Variants in PRKG1 observed in about 807,000 individuals in gnomAD.
PRKG1 encodes the protein cGMP-dependent protein kinase 1.
In PRKG1, 35 loss-of-function variants were observed where a neutral mutation model predicts 88.1. The observed-to-expected ratio is 0.40, with a 90% CI of 0.30 to 0.53. The LOEUF (loss-of-function observed/expected upper bound fraction) is 0.53, where lower values mean the gene tolerates loss of function less well. PRKG1 is among the 20% of genes least tolerant of loss of function. The pLI, the probability that PRKG1 is intolerant of heterozygous loss-of-function variation, is 0.59. For synonymous variants in PRKG1, 303 were observed against 292.5 expected, an observed-to-expected ratio of 1.04 and a Z score of -0.37; for missense variants, 540 against 839.8, an observed-to-expected ratio of 0.64 and a Z score of 4.41.
At chr10:51,791,141 G>A (rs1480106346) in intron 3 of PRKG1, among the ~76,000 whole-genome samples, 2 of 152,064 alleles carry the variant, frequency 1.3e-5, no homozygotes, top group African/African-American at 4.8e-5. Context: ...ATTTGAGATG[G>A]AATAGTTAAG....
At chr10:51,475,583 T>C (rs1210518486) in intron 3 of PRKG1, among the ~76,000 whole-genome samples, 1 of 152,080 alleles carries the variant, frequency 6.6e-6, no homozygotes, top group Non-Finnish European at 1.5e-5. Flanking sequence ...TGCAGCTTTA[T>C]TTTTGTTTTG....
At chr10:51,622,638 CT>C (rs1198695603) in intron 3 of PRKG1, among the ~76,000 whole-genome samples, 1 of 152,126 alleles carries the variant, frequency 6.6e-6, no homozygotes. Flanking sequence ...AAATAAGATA[CT>C]GGTAAGTGCC....
chr10:52,084,041 T>A (rs1432780969), intron 7 of PRKG1, among the ~76,000 whole-genome samples: 1 of 152,022 alleles, frequency 6.6e-6, no homozygotes, highest in Non-Finnish European at 1.5e-5. Context: ...TAAGGAACTT[T>A]GCTAAAAGAA....
At chr10:51,051,707 A>G (rs1217900149) in intron 1 of PRKG1, among the ~76,000 whole-genome samples, 1 of 152,188 alleles carries the variant, frequency 6.6e-6, no homozygotes, top group Non-Finnish European at 1.5e-5. Context: ...AAATAAACTT[A>G]AATAAGCTAA....
At chr10:51,158,189 T>C (rs1846262612) in intron 2 of PRKG1, among the ~76,000 whole-genome samples, 1 of 151,952 alleles carries the variant, frequency 6.6e-6, no homozygotes. Context: ...TTTAGTCACT[T>C]TCTAGGTCTT....
In PRKG1 at chr10:51,916,556, A is replaced by G. The variant is rs542865190; in HGVS notation, c.762+8986A>G. Among the ~76,000 whole-genome samples the G allele has an allele frequency of 1.3e-4, 20 of 152,066 alleles. No individual in the cohort carries two copies. In the East Asian group the frequency reaches 3.3e-3, roughly 25 times the overall value. The stretch of plus-strand genomic sequence containing the variant: ...TTCTTAATACACTTGCTTTCACTTT[A>G]CTCTGTGGACTCGCCTTGAATTCTT... On this transcript the variant is annotated intron_variant, in intron 5 of 17. Coordinates refer to ENST00000373980, the MANE Select transcript of PRKG1 (RefSeq NM_006258.4).
chr10:51,628,972 A>AC (rs1839451203), intron 3 of PRKG1, among the ~76,000 whole-genome samples: 1 of 84,084 alleles, frequency 1.2e-5, no homozygotes, highest in Non-Finnish European at 3.1e-5. Flanking sequence ...TCTCAAAAAA[A>AC]AAAAAAACAA....
At chr10:51,685,428 T>G (rs551245913) in intron 3 of PRKG1, among the ~76,000 whole-genome samples, 3 of 152,326 alleles carry the variant, frequency 2.0e-5, no homozygotes, top group East Asian at 1.9e-4. Context: ...AACTCATAAG[T>G]GGCATGTGTT....
At chr10:51,788,865 C>A (rs921555638) in intron 3 of PRKG1, among the ~76,000 whole-genome samples, 3 of 152,246 alleles carry the variant, frequency 2.0e-5, no homozygotes, top group African/African-American at 7.2e-5. Flanking sequence ...CTTGATGCTT[C>A]ATTTTCCCTT....
intron 7 of PRKG1, among the ~76,000 whole-genome samples, chr10:52,121,611 A>G (rs938243328): frequency 1.3e-5 from 2 of 152,226 alleles, no homozygotes; most frequent in South Asian, 2.1e-4. Context: ...CATCTTTAAT[A>G]AAGCCCTAGG....
rs547636592 is a variant in PRKG1, at chr10:51,114,262, A to T, written c.312-38902A>T. Among the ~76,000 whole-genome samples the T allele has an allele frequency of 3.9e-5, 6 of 152,304 alleles. No individual in the cohort carries two copies. The South Asian group carries it at 1.0e-3, about 26-fold the overall frequency. On this transcript the variant is annotated intron_variant, in intron 1 of 17. Coordinates refer to ENST00000373980, the MANE Select transcript of PRKG1 (RefSeq NM_006258.4). ...CTAGGGAGGTTGTGGAAACTCTTTC[A>T]GGAGAGTTTTTAGATAGATTATTTT...
intron 8 of PRKG1, among the ~76,000 whole-genome samples, chr10:52,157,404 G>T (rs1165056440): frequency 6.8e-6 from 1 of 146,754 alleles, no homozygotes; most frequent in East Asian, 2.0e-4. Flanking sequence ...TTTAGCAGTG[G>T]TAATGCTGAT....
At position 52,133,913 on chromosome 10, in the gene PRKG1, C is replaced by T. The variant is rs763323296; in HGVS notation, c.1001+8C>T. On this transcript the variant is annotated splice_region_variant and intron_variant, in intron 8 of 17. Transcript: ENST00000373980. ...CCTTGTGATTGACAGAGAGTAAGTA[C>T]ATTGTTTTATTATGTGAATTACACA... is the stretch of plus-strand genomic sequence containing the variant. 2 of 1,609,186 alleles carry T rather than the reference C, an allele frequency of 1.2e-6. No individual in the cohort carries two copies. The highest frequency in any genetic ancestry group is 1.1e-5 in the South Asian group (1 of 90,820).
At chr10:51,576,142 C>T (rs1051619761) in intron 3 of PRKG1, among the ~76,000 whole-genome samples, 4 of 151,840 alleles carry the variant, frequency 2.6e-5, no homozygotes, top group Admixed American at 6.6e-5. Flanking sequence ...CCCATGGTCA[C>T]GCACTTTGTA....
At position 52,161,904 on chromosome 10, in the gene PRKG1, G is replaced by A. The variant is rs187636159; in HGVS notation, c.1017G>A (p.Leu339=). ...LVIDRDSFKH[L]IGGLDDVSNK... is the part of the protein sequence containing the mutation. The stretch of plus-strand genomic sequence containing the variant: ...CGTCTGACAGCTCTTTTAAACATTT[G>A]ATTGGAGGGCTGGATGATGTTTCTA... Residue 339 remains leucine, a synonymous_variant, in exon 9 of 18, where the codon TTG becomes TTA. Transcript: ENST00000373980. The A allele has an allele frequency of 9.9e-5, 160 of 1,612,614 alleles. No individual in the cohort carries two copies. The East Asian group carries it at 3.3e-3, about 33-fold the overall frequency.
intron 2 of PRKG1, among the ~76,000 whole-genome samples, chr10:51,225,293 G>T (rs1838662255): frequency 6.6e-6 from 1 of 152,082 alleles, no homozygotes; most frequent in East Asian, 1.9e-4. Flanking sequence ...TCATCCATGA[G>T]GGATCTACCC....
intron 5 of PRKG1, among the ~76,000 whole-genome samples, chr10:51,957,255 TACA>T (rs1266228671): frequency 6.7e-4 from 57 of 85,326 alleles, no homozygotes; most frequent in Non-Finnish European, 9.6e-4. Flanking sequence ...TTTTCTTTCA[TACA>T]TAGCTTTTCC....
Position 51,483,016 on chromosome 10 carries a change from T to C in PRKG1, c.592+15180T>C, listed in dbSNP as rs1002366962. Among the ~76,000 whole-genome samples the C allele has an allele frequency of 1.4e-4, 20 of 146,930 alleles. No individual in the cohort carries two copies. In the South Asian group the frequency reaches 2.8e-3, roughly 21 times the overall value. On this transcript the variant is annotated intron_variant, in intron 3 of 17. Transcript: ENST00000373980. Reference sequence around the variant, plus strand: ...GAATCTTTTCTTTTCTTTCTTTTTTTTTTTTTTTTTTTTGAGATGAAGTTT... The same window carrying C: ...GAATCTTTTCTTTTCTTTCTTTTTTCTTTTTTTTTTTTTGAGATGAAGTTT...
intron 3 of PRKG1, among the ~76,000 whole-genome samples, chr10:51,580,712 A>T (rs1838009281): frequency 7.5e-6 from 1 of 132,726 alleles, no homozygotes; most frequent in African/African-American, 2.5e-5. Context: ...GAAAAATTAT[A>T]TTCTTTTTTT....
Sources: gnomAD v4.1 joint callset for allele counts (sites outside exome capture counted in the v4.1 genomes callset) on GRCh38, gnomAD v4.1.1 for gene constraint, MANE v1.5 for transcripts, NCBI Gene and HGNC (gene_info 2026-07-23, HGNC 2026-07-21) for gene names.